OPCML: variants seen among roughly 807,000 people sequenced by gnomAD.
OPCML encodes the protein opioid binding protein/cell adhesion molecule like.
OPCML carries 13 observed loss-of-function variants against 37.8 expected under a neutral mutation model. The ratio of observed to expected loss-of-function variants is 0.34; its 90% CI spans 0.22 to 0.55. The LOEUF (loss-of-function observed/expected upper bound fraction) is 0.55. Ranked by LOEUF, OPCML falls within the 20% of genes least tolerant of loss-of-function variation. The pLI, the probability that OPCML is intolerant of heterozygous loss-of-function variation, is 0.91. For synonymous variants in OPCML, 176 were observed against 168.8 expected, an observed-to-expected ratio of 1.04 and a Z score of -0.33; for missense variants, 341 against 435.6, an observed-to-expected ratio of 0.78 and a Z score of 1.93.
At position 132,418,143 on chromosome 11, in the gene OPCML, C is replaced by A. The variant is rs1054306419; in HGVS notation, c.*2050G>T. The A allele has an allele frequency of 2.0e-5, 3 of 152,120 alleles. No homozygotes were observed. The highest frequency in any genetic ancestry group is 4.4e-5 in the Non-Finnish European group (3 of 68,032). 9.4% of individuals were successfully genotyped at this position (152,120 alleles called of 1,614,324 possible). A position where few individuals can be genotyped will look rare whatever the true frequency, so the allele number is the denominator to read the frequency against. The stretch of plus-strand genomic sequence containing the variant: ...GACAAAAACAAAGAGGACACTGATA[C>A]CAGAGGAAGAAGACCAGTTAAGCAT... On this transcript the variant is annotated 3_prime_UTR_variant, in exon 8 of 8. Transcript: ENST00000524381.
At chr11:133,450,813 G>C (rs1379281796) in intron 1 of OPCML, among the ~76,000 whole-genome samples, 2 of 151,652 alleles carry the variant, frequency 1.3e-5, no homozygotes. Flanking sequence ...GATATTGTGA[G>C]GTTCCACAGA....
chr11:133,410,679 C>G (rs1416926780), intron 1 of OPCML, among the ~76,000 whole-genome samples: 2 of 121,896 alleles, frequency 1.6e-5, no homozygotes, highest in Admixed American at 1.8e-4. Flanking sequence ...AAAAAGACCT[C>G]TCTTTCCCAT....
At chr11:132,651,291 A>T (rs556474312) in intron 3 of OPCML, among the ~76,000 whole-genome samples, 4 of 152,312 alleles carry the variant, frequency 2.6e-5, no homozygotes, top group Non-Finnish European at 5.9e-5. Flanking sequence ...TAACTCGGAC[A>T]AATCACTTCC....
chr11:132,671,302 C>T lies in OPCML; in HGVS notation c.147-13983G>A, dbSNP rs78531367. On this transcript the variant is annotated intron_variant, in intron 2 of 7. Coordinates refer to ENST00000524381, the MANE Select transcript of OPCML (RefSeq NM_001012393.5). ...AGTGGCTTATTTTATACAGATTATG[C>T]GAACTGTCTCTCCTAAAAAATAAAA... Among the ~76,000 whole-genome samples, 760 of 152,082 alleles carry T rather than the reference C, an allele frequency of 5.0e-3. 5 individuals carry two copies. Among genetic ancestry groups the T allele is most frequent in the Non-Finnish European group, 7.7e-3 (522 of 68,006 alleles).
At chr11:133,134,359 T>A (rs74430026) in intron 1 of OPCML, among the ~76,000 whole-genome samples, 5,799 of 151,990 alleles carry the variant, frequency 0.038, 378 homozygotes, top group African/African-American at 0.13. Context: ...TAGAAGGGAG[T>A]TCTTCAGTGG....
At chr11:133,267,173 C>G (rs1010982636) in intron 1 of OPCML, among the ~76,000 whole-genome samples, 22 of 152,062 alleles carry the variant, frequency 1.4e-4, no homozygotes, top group African/African-American at 5.3e-4. Context: ...GACCTTGGCT[C>G]CAATCCCAGC....
At chr11:132,491,924 A>ATTTTTTTTTTTT (rs780995319) in intron 4 of OPCML, among the ~76,000 whole-genome samples, 1 of 133,266 alleles carries the variant, frequency 7.5e-6, no homozygotes, top group Non-Finnish European at 1.6e-5. Flanking sequence ...GACATACCTA[A>ATTTTTTTTTTTT]TTTTTTTTTT....
Position 133,449,806 on chromosome 11 carries a change from C to T in OPCML, c.61+82458G>A, listed in dbSNP as rs559162390. 5.3e-5 allele frequency among the ~76,000 whole-genome samples: 8 copies of T among 151,548 alleles called. No individual in the cohort carries two copies. The South Asian group carries it at 1.5e-3, about 28-fold the overall frequency. The stretch of plus-strand genomic sequence containing the variant: ...GAGTCGCTATTTCTAAATAATGTCT[C>T]ACATTCTGAGGCTCCAGGTAAACAT... On this transcript the variant is annotated intron_variant, in intron 1 of 7. Transcript: ENST00000524381.
At chr11:132,955,095 G>T (rs1485517569) in intron 1 of OPCML, among the ~76,000 whole-genome samples, 1 of 152,180 alleles carries the variant, frequency 6.6e-6, no homozygotes, top group Non-Finnish European at 1.5e-5. Context: ...AACCCCAGGT[G>T]TGGAGAAAAC....
intron 1 of OPCML, among the ~76,000 whole-genome samples, chr11:132,961,994 G>C (rs1946102033): frequency 6.6e-6 from 1 of 152,168 alleles, no homozygotes; most frequent in Non-Finnish European, 1.5e-5. Context: ...CTGTAATCTT[G>C]TTACAATACA....
At chr11:132,629,283 A>G (rs573048607) in intron 3 of OPCML, among the ~76,000 whole-genome samples, 2 of 152,236 alleles carry the variant, frequency 1.3e-5, no homozygotes, top group Non-Finnish European at 2.9e-5. Flanking sequence ...ATATCTAATT[A>G]AAGCAAATCC....
intron 2 of OPCML, among the ~76,000 whole-genome samples, chr11:132,909,549 A>G (rs1446474850): frequency 2.6e-5 from 4 of 152,212 alleles, no homozygotes; most frequent in Admixed American, 1.3e-4. Context: ...GCACTTTGCT[A>G]AACAGAACCT....
intron 2 of OPCML, among the ~76,000 whole-genome samples, chr11:132,867,716 G>T (rs772962414): frequency 6.6e-6 from 1 of 152,164 alleles, no homozygotes; most frequent in African/African-American, 2.4e-5. Context: ...ACTACTTCTT[G>T]CCCTTAACTT....
intron 1 of OPCML, among the ~76,000 whole-genome samples, chr11:133,415,116 A>G (rs1360343351): frequency 6.6e-6 from 1 of 152,064 alleles, no homozygotes; most frequent in Non-Finnish European, 1.5e-5. Flanking sequence ...ACCTTATAAA[A>G]AGCAGATTTT....
intron 2 of OPCML, among the ~76,000 whole-genome samples, chr11:132,752,713 C>G (rs1006251776): frequency 2.0e-5 from 3 of 151,500 alleles, no homozygotes; most frequent in Admixed American, 2.0e-4. Context: ...GGCCTTTTCT[C>G]TTTCTCCTTT....
intron 3 of OPCML, among the ~76,000 whole-genome samples, chr11:132,605,375 G>A (rs1355754363): frequency 1.3e-5 from 2 of 151,606 alleles, no homozygotes; most frequent in Non-Finnish European, 2.9e-5. Flanking sequence ...GACCAACATG[G>A]TGAAACCTCA....
intron 3 of OPCML, among the ~76,000 whole-genome samples, chr11:132,590,248 A>G (rs144470165): frequency 2.2e-3 from 329 of 152,292 alleles, no homozygotes; most frequent in African/African-American, 7.3e-3. Flanking sequence ...AATTTATTTT[A>G]TATCTTTCTG....
intron 1 of OPCML, among the ~76,000 whole-genome samples, chr11:133,082,770 G>A (rs1948753408): frequency 6.8e-6 from 1 of 146,744 alleles, no homozygotes; most frequent in South Asian, 2.1e-4. Flanking sequence ...CCCCATGCGC[G>A]GCCTCCCCGC....
intron 1 of OPCML, among the ~76,000 whole-genome samples, chr11:133,151,104 C>G (rs1314369480): frequency 6.6e-6 from 1 of 151,728 alleles, no homozygotes; most frequent in African/African-American, 2.4e-5. Flanking sequence ...GAAACCCGGT[C>G]TCTGCTAAAA....
Sources: gnomAD v4.1 joint callset for allele counts (sites outside exome capture counted in the v4.1 genomes callset) on GRCh38, gnomAD v4.1.1 for gene constraint, MANE v1.5 for transcripts, NCBI Gene and HGNC (gene_info 2026-07-23, HGNC 2026-07-21) for gene names.